ARID1B: variants seen among roughly 807,000 people sequenced by gnomAD.
The protein encoded by ARID1B is AT-rich interactive domain-containing protein 1B.
In ARID1B, 30 loss-of-function variants were observed where a neutral mutation model predicts 212.3. The observed-to-expected ratio is 0.14, with a 90% confidence interval of 0.11 to 0.19. ARID1B has a LOEUF of 0.19. Ranked by LOEUF, ARID1B falls within the 10% of genes least tolerant of loss-of-function variation. The pLI, the probability that ARID1B is intolerant of heterozygous loss-of-function variation, is 1.00. For missense variants in ARID1B, 2,891 were observed against 3,204.0 expected (o/e 0.90, Z 2.36); for synonymous variants, 1,402 against 1,301.7 (o/e 1.08, Z -1.66).
intron 5 of ARID1B, among the ~76,000 whole-genome samples, chr6:157,100,230 A>G (rs1230894062): frequency 5.9e-5 from 9 of 152,190 alleles, no homozygotes; most frequent in Non-Finnish European, 1.3e-4. Context: ...CAGCCTGTTC[A>G]CCAACATCTT....
chr6:157,200,638 A>C lies in ARID1B; in HGVS notation c.4480-67A>C. The C allele has an allele frequency of 6.6e-7, 1 of 1,505,278 alleles. No individual in the cohort carries two copies. Among genetic ancestry groups the C allele is most frequent in the South Asian group, 1.3e-5 (1 of 75,178 alleles). 93.2% of individuals were successfully genotyped at this position (1,505,278 alleles called of 1,614,324 possible). ...TTCTAGCAGGTAATAACTATTTTGC[A>C]TAATTTCAGTGTGTGATTATACCTG... On this transcript the variant is annotated intron_variant, in intron 17 of 19. Transcript: ENST00000636930. The surrounding 1 kb of genome is among the most constrained non-coding windows in gnomAD (Gnocchi z 4.3).
rs56102774 is a variant in ARID1B, at chr6:156,931,961, T to TAA, written c.2137-3482_2137-3481dup. 4.1e-3 allele frequency among the ~76,000 whole-genome samples: 396 copies of TAA among 97,386 alleles called. 5 individuals are homozygous for TAA. Among genetic ancestry groups the TAA allele is most frequent in the African/African-American group, 0.016 (360 of 23,118 alleles). The allele number at this position is 97,386 out of a possible 152,430, so 63.9% of individuals were successfully genotyped here. A position where few individuals can be genotyped will look rare whatever the true frequency, so the allele number is the denominator to read the frequency against. ...GGGCAACGAGAGCAAGATTCCGTCT[T>TAA]AAAAAAAAAAAAAAAAAAAAAAAAT... On this transcript the variant is annotated intron_variant, in intron 3 of 19. Transcript: ENST00000636930.
chr6:157,197,617 C>T (rs1175173662), intron 16 of ARID1B, among the ~76,000 whole-genome samples: 1 of 152,120 alleles, frequency 6.6e-6, no homozygotes, highest in African/African-American at 2.4e-5. Context: ...GTGATATATT[C>T]GTTAATCAGT....
At chr6:156,905,355 G>C (rs1051507468) in intron 3 of ARID1B, among the ~76,000 whole-genome samples, 4 of 152,002 alleles carry the variant, frequency 2.6e-5, no homozygotes, top group Non-Finnish European at 4.4e-5. Context: ...TGGGCTGGCA[G>C]GTGGTAAGCC....
At chr6:156,930,973 A>G (rs6900637) in intron 3 of ARID1B, among the ~76,000 whole-genome samples, 15 of 152,142 alleles carry the variant, frequency 9.9e-5, no homozygotes, top group East Asian at 7.7e-4. Flanking sequence ...GGCAGTTCAC[A>G]AGGTCAGGAG....
At chr6:157,093,387 A>G (rs1785405086) in intron 5 of ARID1B, among the ~76,000 whole-genome samples, 2 of 152,170 alleles carry the variant, frequency 1.3e-5, no homozygotes, top group Non-Finnish European at 2.9e-5. Flanking sequence ...GTGTTGATTG[A>G]TTATAGCCGT....
intron 2 of ARID1B, among the ~76,000 whole-genome samples, chr6:156,843,879 T>G (rs1257462337): frequency 1.3e-5 from 2 of 152,040 alleles, no homozygotes; most frequent in East Asian, 3.9e-4. Flanking sequence ...TTGGATGCAG[T>G]GTGAGGAGTG....
chr6:156,972,143 C>T (rs1776976219), intron 4 of ARID1B, among the ~76,000 whole-genome samples: 1 of 152,114 alleles, frequency 6.6e-6, no homozygotes, highest in Admixed American at 6.5e-5. Context: ...TTTTATTTTA[C>T]TTGGTATGAG....
chr6:157,125,305 T>C (rs539454468), intron 6 of ARID1B, among the ~76,000 whole-genome samples: 1 of 152,160 alleles, frequency 6.6e-6, no homozygotes, highest in Non-Finnish European at 1.5e-5. Flanking sequence ...GCTCAAAGCT[T>C]AGAGGGCAGG....
At position 157,201,999 on chromosome 6, in the gene ARID1B, A is replaced by G. The variant is rs1794147505; in HGVS notation, c.5263+511A>G. 6.6e-6 allele frequency among the ~76,000 whole-genome samples: 1 copy of G among 152,244 alleles called. No individual in the cohort carries two copies. Among genetic ancestry groups the G allele is most frequent in the African/African-American group, 2.4e-5 (1 of 41,462 alleles). ...GGTGACCTGAGAAAATCTGAAGGCAAGCCACTCTGTAATTTGGTGACAACA... is the reference window on the plus strand; with the variant it reads ...GGTGACCTGAGAAAATCTGAAGGCAGGCCACTCTGTAATTTGGTGACAACA... On this transcript the variant is annotated intron_variant, in intron 18 of 19. Transcript: ENST00000636930. This position sits in a 1 kb window ranked among gnomAD's most constrained non-coding sequence, Gnocchi z 5.2.
At chr6:156,823,722 A>G (rs567973272) in intron 1 of ARID1B, among the ~76,000 whole-genome samples, 29 of 139,344 alleles carry the variant, frequency 2.1e-4, no homozygotes, top group African/African-American at 7.7e-4. Flanking sequence ...TGTTTTTCCA[A>G]TTTGCGGTTG....
intron 4 of ARID1B, chr6:157,024,400 A>T (rs1780523297): frequency 6.6e-6 from 1 of 152,276 alleles, no homozygotes; most frequent in Non-Finnish European, 1.5e-5. Flanking sequence ...GAGTGAACAA[A>T]TTGAGTCCAT....
rs1794708452 is a variant in ARID1B, at chr6:157,210,643, G to A, written c.*2752G>A. 8.9e-6 allele frequency: 2 copies of A among 225,012 alleles called. No homozygotes were observed. Among genetic ancestry groups the A allele is most frequent in the African/African-American group, 2.4e-5 (1 of 41,396 alleles). 13.9% of individuals were successfully genotyped at this position (225,012 alleles called of 1,614,324 possible). On this transcript the variant is annotated 3_prime_UTR_variant, in exon 20 of 20. Coordinates refer to ENST00000636930, the MANE Select transcript of ARID1B (RefSeq NM_001374828.1). ...TATTGCTTTGTCCTAAAAATTAGTC[G>A]GTTTTTTTTTTTCTATGAGGCTTTT...
chr6:157,175,877 A>C (rs1250489427), intron 11 of ARID1B: 2 of 152,062 alleles, frequency 1.3e-5, no homozygotes, highest in African/African-American at 2.4e-5. Flanking sequence ...AAAAAAAAAA[A>C]CAACATGCAA....
At chr6:156,900,303 GTA>G (rs892722975) in intron 2 of ARID1B, among the ~76,000 whole-genome samples, 12 of 152,142 alleles carry the variant, frequency 7.9e-5, no homozygotes, top group African/African-American at 2.4e-4. Flanking sequence ...TTACCCCATT[GTA>G]TATGTTAGGA....
rs949616099 is a variant in ARID1B at position 157,196,399 on chromosome 6, G to C, written c.4382+84G>C. 3.4e-6 allele frequency: 5 copies of C among 1,490,880 alleles called. No homozygotes were observed. In the African/African-American group the frequency reaches 7.1e-5, roughly 21 times the overall value. The allele number at this position is 1,490,880 out of a possible 1,614,324, so 92.4% of individuals were successfully genotyped here. On this transcript the variant is annotated intron_variant, in intron 16 of 19. Transcript: ENST00000636930. ...CACACATTTCTGAGCCCTGGCAGCT[G>C]AGCCACTGATGACAATATACAGTGT...
chr6:157,102,816 C>T (rs1011248989), intron 5 of ARID1B, among the ~76,000 whole-genome samples: 38 of 151,954 alleles, frequency 2.5e-4, no homozygotes, highest in Middle Eastern at 6.8e-3. Context: ...CCAGGCTGGC[C>T]TCAAACTCCT....
At position 156,841,346 on chromosome 6, in the gene ARID1B, C is replaced by T. The variant is rs566946647; in HGVS notation, c.1986+11925C>T. On this transcript the variant is annotated intron_variant, in intron 2 of 19. Coordinates refer to ENST00000636930, the MANE Select transcript of ARID1B (RefSeq NM_001374828.1). ...TACGGCTGGAATGAGAGTTGCACCT[C>T]GGAGTAGAGGAATGAAATTTAGGTT... 8.5e-5 allele frequency among the ~76,000 whole-genome samples: 13 copies of T among 152,158 alleles called. No individual in the cohort carries two copies. The South Asian group carries it at 2.5e-3, about 29-fold the overall frequency.
Position 157,209,143 on chromosome 6 carries a change from G to GA in ARID1B, c.*1259dup. Reference sequence around the variant, plus strand: ...TAATGTAGTTTAAAAAAAAAAAAAAGAAAAAAACTTGATGTAAATTCCTCC... The same window carrying GA: ...TAATGTAGTTTAAAAAAAAAAAAAAGAAAAAAAACTTGATGTAAATTCCTCC... On this transcript the variant is annotated 3_prime_UTR_variant, in exon 20 of 20. Coordinates refer to ENST00000636930, the MANE Select transcript of ARID1B (RefSeq NM_001374828.1). 4.6e-6 allele frequency: 1 copy of GA among 219,752 alleles called. No individual in the cohort carries two copies. The highest frequency in any genetic ancestry group is 6.6e-5 in the East Asian group (1 of 15,194). The allele number at this position is 219,752 out of a possible 1,614,324, so 13.6% of individuals were successfully genotyped here.
Sources: allele counts gnomAD v4.1 joint callset (sites outside exome capture counted in the v4.1 genomes callset), GRCh38; gene constraint gnomAD v4.1.1; non-coding constraint Gnocchi (gnomAD v3.1); transcripts MANE v1.5; gene names NCBI Gene and HGNC (gene_info 2026-07-23, HGNC 2026-07-21).